The following NDUFAF7 variants were observed in gnomAD, a reference collection of about 807,000 sequenced individuals.
The protein encoded by NDUFAF7 is NADH:ubiquinone oxidoreductase complex assembly factor 7.
In NDUFAF7, 48 loss-of-function variants were observed where a neutral mutation model predicts 47.2. The ratio of observed to expected loss-of-function variants is 1.02; its 90% CI spans 0.81 to 1.29. The LOEUF (loss-of-function observed/expected upper bound fraction) is 1.29. NDUFAF7 is among the 50% of genes most tolerant of loss of function. The pLI, the probability that NDUFAF7 is intolerant of heterozygous loss-of-function variation, is 0.00. For synonymous variants in NDUFAF7, 217 were observed against 190.0 expected, an observed-to-expected ratio of 1.14 and a Z score of -1.17; for missense variants, 635 against 537.6, an observed-to-expected ratio of 1.18 and a Z score of -1.79.
At chr2:37,258,440 A>G in the NDUFAF7 span, among the ~76,000 whole-genome samples, 2 of 152,240 alleles carry the variant, frequency 1.3e-5, no homozygotes, top group Non-Finnish European at 2.9e-5. Flanking sequence ...AACTGATTAA[A>G]GAAGTGGAGC....
At chr2:37,245,362 G>T (rs1162962851) in intron 7 of NDUFAF7, among the ~76,000 whole-genome samples, 1 of 152,196 alleles carries the variant, frequency 6.6e-6, no homozygotes, top group African/African-American at 2.4e-5. Flanking sequence ...AGATCAGGAA[G>T]TAGTGAAATT....
chr2:37,237,217 G>A (rs562959011), intron 3 of NDUFAF7, among the ~76,000 whole-genome samples: 3 of 152,262 alleles, frequency 2.0e-5, no homozygotes, highest in African/African-American at 7.2e-5. Flanking sequence ...TGGTCCACCC[G>A]CCTCAGCCTC....
At chr2:37,247,342 C>T in intron 8 of NDUFAF7, 114 bp from the exon 9 acceptor site, 1 of 1,260,724 alleles carries the variant, frequency 7.9e-7, no homozygotes. Context: ...TTAATGAGAG[C>T]TCTATTCCGT....
chr2:37,242,270 C>T (rs193282225), intron 5 of NDUFAF7: 3 of 259,632 alleles, frequency 1.2e-5, no homozygotes, highest in South Asian at 4.6e-5. Context: ...AGTGGGGGTA[C>T]GATCTTGGGT....
In NDUFAF7 at chr2:37,246,081, G is replaced by A. The variant is rs1046374916; in HGVS notation, c.822G>A (p.Val274=). Residue 274 remains valine (V), a synonymous_variant, in exon 8 of 10, where the codon GTG becomes GTA. Coordinates refer to ENST00000002125, the MANE Select transcript of NDUFAF7 (RefSeq NM_144736.5). ...ACGAAACAAGGGATCATGTTGAAGT[G>A]TGTCCTGATGCTGGTGTTATCATCG... The part of the protein sequence containing the change: ...QHDETRDHVE[V]CPDAGVIIEE... 2.5e-6 allele frequency: 4 copies of A among 1,613,804 alleles called. No homozygotes were observed. Among genetic ancestry groups the A allele is most frequent in the African/African-American group, 1.3e-5 (1 of 74,916 alleles).
chr2:37,254,966 A>C (rs1158453736), downstream of NDUFAF7, among the ~76,000 whole-genome samples: 1 of 152,254 alleles, frequency 6.6e-6, no homozygotes, highest in Non-Finnish European at 1.5e-5. Flanking sequence ...CAATAACTAC[A>C]TACTAACTAC....
At chr2:37,237,222 A>G (rs1398670509) in intron 3 of NDUFAF7, among the ~76,000 whole-genome samples, 2 of 152,200 alleles carry the variant, frequency 1.3e-5, no homozygotes, top group East Asian at 1.9e-4. Flanking sequence ...CACCCGCCTC[A>G]GCCTCCCAAA....
At chr2:37,246,582 T>C (rs1008075156) in intron 8 of NDUFAF7, among the ~76,000 whole-genome samples, 2 of 152,242 alleles carry the variant, frequency 1.3e-5, no homozygotes, top group Non-Finnish European at 2.9e-5. Context: ...TCATTCTAGC[T>C]TTTTCTATCA....
At chr2:37,256,639 T>C (rs759733916), downstream of NDUFAF7, 1 of 1,312,232 alleles carries the variant, frequency 7.6e-7, no homozygotes, top group Non-Finnish European at 9.8e-7. Flanking sequence ...TTTTTTTTTT[T>C]TTTTTTTTTT....
downstream of NDUFAF7, among the ~76,000 whole-genome samples, chr2:37,249,626 C>G (rs1464524086): frequency 2.1e-4 from 21 of 101,242 alleles, 1 homozygote; most frequent in South Asian, 3.4e-4. Flanking sequence ...CTCCGTTGCA[C>G]TGTAGCCTGT....
chr2:37,270,230 GA>G, the NDUFAF7 span, among the ~76,000 whole-genome samples: 30 of 131,084 alleles, frequency 2.3e-4, no homozygotes, highest in African/African-American at 3.7e-4. Flanking sequence ...TCCATCTCAA[GA>G]AAAAAAAAAA....
the NDUFAF7 span, among the ~76,000 whole-genome samples, chr2:37,258,821 G>C: frequency 6.6e-6 from 1 of 152,146 alleles, no homozygotes; most frequent in African/African-American, 2.4e-5. Context: ...ACACCTATCT[G>C]TTGTCCTTAG....
downstream of NDUFAF7, chr2:37,256,863 C>G: frequency 6.2e-7 from 1 of 1,613,902 alleles, no homozygotes; most frequent in Non-Finnish European, 8.5e-7. Flanking sequence ...GCTGGAGTTC[C>G]TACCACAGAT....
intron 3 of NDUFAF7, among the ~76,000 whole-genome samples, chr2:37,236,612 T>TAA (rs575793366): frequency 1.4e-5 from 2 of 147,812 alleles, no homozygotes; most frequent in Non-Finnish European, 3.0e-5. Context: ...CAGTCTCTAC[T>TAA]AAAAAAAAAA....
intron 9 of NDUFAF7, 114 bp from the exon 10 acceptor site, chr2:37,248,021 A>G: frequency 1.2e-6 from 1 of 855,360 alleles, no homozygotes; most frequent in Non-Finnish European, 1.9e-6. Flanking sequence ...AGGTAATCAG[A>G]AGTCACATTT....
chr2:37,254,195 T>C (rs372415442), downstream of NDUFAF7: 38 of 1,596,782 alleles, frequency 2.4e-5, no homozygotes, highest in African/African-American at 5.0e-4. Flanking sequence ...AGATTACATT[T>C]TTTTTTACCT....
At chr2:37,263,587 A>C in the NDUFAF7 span, among the ~76,000 whole-genome samples, 11 of 151,958 alleles carry the variant, frequency 7.2e-5, no homozygotes, top group Non-Finnish European at 1.6e-4. Flanking sequence ...TATGATTTTC[A>C]CTCTTCCACT....
chr2:37,233,580 C>T (rs1473373817), intron 2 of NDUFAF7, among the ~76,000 whole-genome samples: 4 of 150,850 alleles, frequency 2.7e-5, no homozygotes, highest in African/African-American at 9.8e-5. Flanking sequence ...CTAGATTTCG[C>T]CATTGCACTC....
chr2:37,234,386 G>A (rs1412510397), intron 2 of NDUFAF7, among the ~76,000 whole-genome samples: 7 of 151,898 alleles, frequency 4.6e-5, no homozygotes, highest in African/African-American at 7.3e-5. Context: ...GCCACTGTGC[G>A]CGGCCTAATT....
Sources: gnomAD v4.1 joint callset for allele counts (sites outside exome capture counted in the v4.1 genomes callset) on GRCh38, gnomAD v4.1.1 for gene constraint, MANE v1.5 for transcripts, NCBI Gene and HGNC (gene_info 2026-07-23, HGNC 2026-07-21) for gene names.